The following MRTFB variants were observed in gnomAD, a reference collection of about 807,000 sequenced individuals.
MRTFB encodes the protein myocardin-related transcription factor B.
Under a neutral mutation model 104.2 loss-of-function variants are expected in MRTFB, and 29 were observed. The ratio of observed to expected loss-of-function variants is 0.28; its 90% CI spans 0.21 to 0.38. MRTFB has a LOEUF of 0.38. Among genes scored for constraint, MRTFB ranks in the 10% least tolerant of loss-of-function variants. The probability of loss-of-function intolerance (pLI) is 1.00; values close to 1 mark genes in which losing one functional copy is unlikely to be tolerated. For synonymous variants in MRTFB, 535 were observed against 519.5 expected (o/e 1.03, Z -0.41); for missense variants, 1,270 against 1,341.6 (o/e 0.95, Z 0.83).
At chr16:14,230,254 A>G (rs1295985372) in intron 8 of MRTFB, among the ~76,000 whole-genome samples, 2 of 152,238 alleles carry the variant, frequency 1.3e-5, no homozygotes, top group Non-Finnish European at 2.9e-5. Context: ...ACCAAAAGCA[A>G]TGGCAACAAA....
chr16:14,174,153 A>G (rs2039507689), intron 3 of MRTFB, among the ~76,000 whole-genome samples: 1 of 152,188 alleles, frequency 6.6e-6, no homozygotes, highest in Non-Finnish European at 1.5e-5. Flanking sequence ...TTAGTTCAAC[A>G]TGTATCAATA....
chr16:14,029,209 C>T, the MRTFB span, among the ~76,000 whole-genome samples: 5 of 151,438 alleles, frequency 3.3e-5, no homozygotes, highest in Non-Finnish European at 7.4e-5. Flanking sequence ...GCTCAGGATC[C>T]CTCCTGGGAT....
chr16:14,120,398 A>G (rs1468758009), intron 2 of MRTFB, among the ~76,000 whole-genome samples: 1 of 152,128 alleles, frequency 6.6e-6, no homozygotes, highest in Non-Finnish European at 1.5e-5. Flanking sequence ...AGATCCTACC[A>G]TGTTTCCTTC....
At chr16:14,221,778 CTTTTTTTTT>C (rs34467645) in intron 8 of MRTFB, among the ~76,000 whole-genome samples, 3 of 70,810 alleles carry the variant, frequency 4.2e-5, no homozygotes, top group Admixed American at 1.7e-4. Flanking sequence ...TATTTCTTTC[CTTTTTTTTT>C]TTTTTTTTTT....
At chr16:14,061,695 G>T in the MRTFB span, among the ~76,000 whole-genome samples, 1 of 151,742 alleles carries the variant, frequency 6.6e-6, no homozygotes, top group African/African-American at 2.4e-5. Context: ...TGTGAGCTAG[G>T]CAAGTAATGG....
At chr16:14,070,775 C>T (rs1230058779), upstream of MRTFB, among the ~76,000 whole-genome samples, 1 of 152,200 alleles carries the variant, frequency 6.6e-6, no homozygotes, top group African/African-American at 2.4e-5. Flanking sequence ...CACTGAGGTG[C>T]AGAAATGGGT....
At chr16:14,140,452 G>A (rs540435769) in intron 2 of MRTFB, 92 bp from the exon 3 acceptor site, 10 of 881,252 alleles carry the variant, frequency 1.1e-5, no homozygotes, top group East Asian at 2.7e-5. Flanking sequence ...CAGTAAAACT[G>A]GACTAGAACC....
upstream of MRTFB, among the ~76,000 whole-genome samples, chr16:14,067,946 C>G (rs977649291): frequency 2.6e-5 from 4 of 152,128 alleles, no homozygotes; most frequent in African/African-American, 9.7e-5. Flanking sequence ...ATTCTTGTGC[C>G]TCAGCATCCC....
At chr16:14,107,178 G>A (rs1432299877) in intron 2 of MRTFB, among the ~76,000 whole-genome samples, 1 of 152,246 alleles carries the variant, frequency 6.6e-6, no homozygotes, top group Non-Finnish European at 1.5e-5. Context: ...GGAGATTACA[G>A]TGAGCCGAGA....
chr16:14,003,244 A>T, the MRTFB span, among the ~76,000 whole-genome samples: 1 of 152,312 alleles, frequency 6.6e-6, no homozygotes, highest in African/African-American at 2.4e-5. Flanking sequence ...GAGCAAGTGT[A>T]GGCGTGTGAC....
At chr16:14,137,277 A>G (rs2037768606) in intron 2 of MRTFB, among the ~76,000 whole-genome samples, 1 of 152,166 alleles carries the variant, frequency 6.6e-6, no homozygotes, top group African/African-American at 2.4e-5. Flanking sequence ...TGAAAACTTA[A>G]TCTTTGCCTT....
intron 3 of MRTFB, among the ~76,000 whole-genome samples, chr16:14,163,969 G>A (rs72785411): frequency 2.4e-4 from 37 of 152,064 alleles, no homozygotes; most frequent in Middle Eastern, 6.8e-3. Flanking sequence ...GTAATATTTC[G>A]TTACACGTTG....
intron 15 of MRTFB, 51 bp downstream of exon 15, chr16:14,252,553 G>C: frequency 6.2e-7 from 1 of 1,605,454 alleles, no homozygotes; most frequent in Non-Finnish European, 8.5e-7. Flanking sequence ...ATGTGCCCAC[G>C]TTCAGTCTCG....
At chr16:14,179,421 AAAT>A (rs2039693275) in intron 3 of MRTFB, among the ~76,000 whole-genome samples, 1 of 152,186 alleles carries the variant, frequency 6.6e-6, no homozygotes, top group Non-Finnish European at 1.5e-5. Context: ...ACACTTTATA[AAAT>A]ACTCATCCAG....
At chr16:14,238,520 G>A (rs560172342) in intron 9 of MRTFB, among the ~76,000 whole-genome samples, 1 of 152,294 alleles carries the variant, frequency 6.6e-6, no homozygotes, top group South Asian at 2.1e-4. Context: ...GCTGGGAAGC[G>A]AGGGAGGTTC....
intron 3 of MRTFB, among the ~76,000 whole-genome samples, chr16:14,188,121 A>G (rs893165231): frequency 6.6e-6 from 1 of 152,234 alleles, no homozygotes; most frequent in African/African-American, 2.4e-5. Context: ...GTCGAAATAA[A>G]TGACACACAA....
chr16:14,238,027 A>G (rs967555017), intron 9 of MRTFB, among the ~76,000 whole-genome samples: 1 of 152,202 alleles, frequency 6.6e-6, no homozygotes, highest in Admixed American at 6.5e-5. Flanking sequence ...ACTTTCAGTT[A>G]TATGAGTACA....
chr16:14,188,205 C>A (rs1320924230), intron 3 of MRTFB, among the ~76,000 whole-genome samples: 1 of 152,164 alleles, frequency 6.6e-6, no homozygotes, highest in East Asian at 1.9e-4. Flanking sequence ...GTCTTACTGC[C>A]GGTTTTTATA....
rs372008307 is a variant in MRTFB at position 14,218,897 on chromosome 16, G to C, written c.592G>C (p.Asp198His). The change falls in exon 8 of 17, where the codon GAC becomes CAC. Residue 198 changes from aspartate (D) to histidine (H), a missense_variant. Coordinates refer to ENST00000571589, the MANE Select transcript of MRTFB (RefSeq NM_001308142.2). ...AGACAGCAGTGACGCTTTGTCTCCG[G>C]ACCAGCCTGCGAGTCAGGAGTCACA... ...DEDSSDALSP[D>H]QPASQESQGS... The C allele has an allele frequency of 1.9e-6, 3 of 1,613,902 alleles. No homozygotes were observed. In the African/African-American group the frequency reaches 4.0e-5, roughly 22 times the overall value.
Sources: allele counts gnomAD v4.1 joint callset (sites outside exome capture counted in the v4.1 genomes callset), GRCh38; gene constraint gnomAD v4.1.1; transcripts MANE v1.5; gene names NCBI Gene and HGNC (gene_info 2026-07-23, HGNC 2026-07-21).